The following APAF1 variants were observed in gnomAD, a reference collection of about 807,000 sequenced individuals.
APAF1 encodes the protein apoptotic peptidase activating factor 1, also known as apoptotic protease-activating factor 1.
APAF1 carries 91 observed loss-of-function variants against 152.4 expected under a neutral mutation model. That is an observed-to-expected ratio of 0.60 (90% confidence interval 0.50 to 0.71). APAF1 has a LOEUF of 0.71. APAF1 is among the 30% of genes least tolerant of loss of function. The pLI is 0.00. For synonymous variants in APAF1, 484 were observed against 494.1 expected (o/e 0.98, Z 0.27); for missense variants, 1,283 against 1,472.0 (o/e 0.87, Z 2.10).
intron 15 of APAF1, among the ~76,000 whole-genome samples, chr12:98,684,095 A>G (rs983482665): frequency 1.3e-5 from 2 of 152,188 alleles, no homozygotes; most frequent in Non-Finnish European, 1.5e-5. Flanking sequence ...TGAACATGAT[A>G]TTTTTGAGAG....
chr12:98,682,914 A>G (rs2097693948), intron 14 of APAF1, among the ~76,000 whole-genome samples: 1 of 152,172 alleles, frequency 6.6e-6, no homozygotes, highest in Non-Finnish European at 1.5e-5. Context: ...CACTCTAGTT[A>G]TGCTATAGGT....
At chr12:98,683,559 C>T (rs2097694752) in intron 15 of APAF1, among the ~76,000 whole-genome samples, 2 of 152,366 alleles carry the variant, frequency 1.3e-5, no homozygotes, top group South Asian at 4.1e-4. Context: ...TTGACTTCCT[C>T]TGTGTTGGTT....
chr12:98,700,023 A>G (rs971031304), intron 17 of APAF1, among the ~76,000 whole-genome samples: 2 of 152,220 alleles, frequency 1.3e-5, no homozygotes, highest in Admixed American at 1.3e-4. Flanking sequence ...TCTGACAGAA[A>G]TGCTCATCAA....
At chr12:98,731,303 A>G (rs2097760984) in intron 26 of APAF1, among the ~76,000 whole-genome samples, 1 of 152,172 alleles carries the variant, frequency 6.6e-6, no homozygotes. Context: ...CAATTGATGG[A>G]TCCACATTGA....
intron 17 of APAF1, among the ~76,000 whole-genome samples, chr12:98,702,466 TA>T (rs1040440056): frequency 7.9e-5 from 12 of 152,120 alleles, no homozygotes; most frequent in Admixed American, 5.2e-4. Flanking sequence ...ATGTAGTAAA[TA>T]AAAATCATCT....
At chr12:98,710,208 G>A (rs550295957) in intron 20 of APAF1, among the ~76,000 whole-genome samples, 2 of 107,344 alleles carry the variant, frequency 1.9e-5, no homozygotes, top group African/African-American at 3.9e-5. Context: ...TGTATTTTTA[G>A]TAGAGATGAA....
At chr12:98,719,171 A>G (rs1267995344) in intron 22 of APAF1, among the ~76,000 whole-genome samples, 1 of 151,998 alleles carries the variant, frequency 6.6e-6, no homozygotes, top group Non-Finnish European at 1.5e-5. Flanking sequence ...GCTCTTCTCT[A>G]GTTGTTCCAT....
intron 4 of APAF1, among the ~76,000 whole-genome samples, chr12:98,652,232 T>C (rs1329655961): frequency 6.6e-6 from 1 of 152,102 alleles, no homozygotes; most frequent in African/African-American, 2.4e-5. Flanking sequence ...GGGTTACAGA[T>C]GAAAGTCACC....
chr12:98,698,252 T>C (rs1472163616), intron 16 of APAF1, among the ~76,000 whole-genome samples: 1 of 152,222 alleles, frequency 6.6e-6, no homozygotes, highest in Non-Finnish European at 1.5e-5. Context: ...GAGGTCTCAC[T>C]GTGTTGCCCA....
At chr12:98,649,151 C>G (rs574787735) in intron 3 of APAF1, 18 of 843,712 alleles carry the variant, frequency 2.1e-5, no homozygotes, top group Non-Finnish European at 2.6e-5. Flanking sequence ...AATATATGTT[C>G]TTGAAAGGTA....
intron 18 of APAF1, among the ~76,000 whole-genome samples, chr12:98,704,358 C>T (rs1479309313): frequency 6.6e-6 from 1 of 152,182 alleles, no homozygotes; most frequent in African/African-American, 2.4e-5. Context: ...GATCACAGTT[C>T]CAAGAAGATG....
chr12:98,677,648 C>G lies in APAF1; in HGVS notation c.1920+97C>G, dbSNP rs190624274. On this transcript the variant is annotated intron_variant, in intron 13 of 26. Coordinates refer to ENST00000551964, the MANE Select transcript of APAF1 (RefSeq NM_181861.2). ...ATCCTAAAATTCAAGAAAATTGCAA[C>G]TTAGAAATAACAGAGGAATCCAGCT... is the stretch of plus-strand genomic sequence containing the variant. 1.1e-5 allele frequency: 16 copies of G among 1,448,954 alleles called. No individual in the cohort carries two copies. In the African/African-American group the frequency reaches 2.0e-4, roughly 18 times the overall value. 89.8% of individuals were successfully genotyped at this position (1,448,954 alleles called of 1,614,324 possible).
At chr12:98,713,821 A>AT (rs1157850158) in intron 21 of APAF1, among the ~76,000 whole-genome samples, 1 of 152,212 alleles carries the variant, frequency 6.6e-6, no homozygotes, top group Non-Finnish European at 1.5e-5. Context: ...TCTAGTCCAT[A>AT]TGGCCCCACA....
intron 12 of APAF1, 140 bp downstream of exon 12, chr12:98,671,859 G>C: frequency 1.3e-6 from 1 of 796,866 alleles, no homozygotes; most frequent in Non-Finnish European, 2.1e-6. Flanking sequence ...CTTACTTATT[G>C]AAAAGTTCTA....
intron 10 of APAF1, among the ~76,000 whole-genome samples, chr12:98,668,027 A>G (rs1440455434): frequency 6.6e-6 from 1 of 151,230 alleles, no homozygotes; most frequent in Non-Finnish European, 1.5e-5. Flanking sequence ...CAAGTGATCC[A>G]CTCGCTTCAG....
rs146673680 is a variant in APAF1 at position 98,683,348 on chromosome 12, G to T, written c.2178+74G>T. The T allele has an allele frequency of 6.0e-4, 849 of 1,424,486 alleles. 6 individuals are homozygous for T. The African/African-American group carries it at 0.011, about 18-fold the overall frequency. 88.2% of individuals were successfully genotyped at this position (1,424,486 alleles called of 1,614,324 possible). ...AGAGTATCTCCTTTGATTTTCTTAT[G>T]TATACTACTATTAGGACTTTCTGGT... is the stretch of plus-strand genomic sequence containing the variant. On this transcript the variant is annotated intron_variant, in intron 15 of 26. Coordinates refer to ENST00000551964, the MANE Select transcript of APAF1 (RefSeq NM_181861.2).
In APAF1 at chr12:98,671,611, AT is replaced by A. The variant is rs2097680229; in HGVS notation, c.1686del (p.Asn562LysfsTer37). The A allele has an allele frequency of 6.2e-7, 1 of 1,613,846 alleles. No homozygotes were observed. The highest frequency in any genetic ancestry group is 1.3e-5 in the African/African-American group (1 of 74,830). On this transcript the variant is annotated frameshift_variant, in exon 12 of 27. Transcript: ENST00000551964. LOFTEE classifies it high-confidence loss of function. ...GHLLGRQPFP[N>X]IVQLGLCEPE... Reference sequence around the variant, plus strand: ...CTTCTTGGACGACAGCCATTTCCTAATATTGTACAACTGGGTCTCTGTGAGC... The same window carrying A: ...CTTCTTGGACGACAGCCATTTCCTAAATTGTACAACTGGGTCTCTGTGAGC...
intron 4 of APAF1, among the ~76,000 whole-genome samples, chr12:98,658,722 G>A (rs2097660912): frequency 6.6e-6 from 1 of 152,172 alleles, no homozygotes; most frequent in South Asian, 2.1e-4. Flanking sequence ...TTGTTTGTCA[G>A]TACTGGTGAA....
At position 98,732,640 on chromosome 12, in the gene APAF1, T is replaced by A; in HGVS notation, c.*74T>A. 9.8e-7 allele frequency: 1 copy of A among 1,018,656 alleles called. No individual in the cohort carries two copies. The highest frequency in any genetic ancestry group is 1.5e-5 in the South Asian group (1 of 68,820). The allele number at this position is 1,018,656 out of a possible 1,614,324, so 63.1% of individuals were successfully genotyped here. A position where few individuals can be genotyped will look rare whatever the true frequency, so the allele number is the denominator to read the frequency against. On this transcript the variant is annotated 3_prime_UTR_variant, in exon 27 of 27. Coordinates refer to ENST00000551964, the MANE Select transcript of APAF1 (RefSeq NM_181861.2). ...AAAAAATTCTAATGAAACCCTGATATCAACTTTTTATAAAGCTCTTAATTG... is the reference window on the plus strand; with the variant it reads ...AAAAAATTCTAATGAAACCCTGATAACAACTTTTTATAAAGCTCTTAATTG...
Sources: gnomAD v4.1 joint callset for allele counts (sites outside exome capture counted in the v4.1 genomes callset) on GRCh38, gnomAD v4.1.1 for gene constraint, MANE v1.5 for transcripts, NCBI Gene and HGNC (gene_info 2026-07-23, HGNC 2026-07-21) for gene names.